Variants in SMIM35 observed in about 807,000 individuals in gnomAD.
SMIM35 encodes small integral membrane protein 35, also known as TMPRSS4 antisense RNA 1 (non-protein coding).
At chr11:118,060,939 C>T (rs1031335342) in intron 1 of SMIM35, among the ~76,000 whole-genome samples, 3 of 152,230 alleles carry the variant, frequency 2.0e-5, no homozygotes, top group Non-Finnish European at 4.4e-5. Flanking sequence ...GAAAGCACTT[C>T]CAGGCTGCCC....
intron 1 of SMIM35, among the ~76,000 whole-genome samples, chr11:118,074,030 G>A (rs1944614580): frequency 6.6e-6 from 1 of 152,184 alleles, no homozygotes; most frequent in South Asian, 2.1e-4. Flanking sequence ...GACCAGCCTG[G>A]GTGAGGAAGG....
intron 1 of SMIM35, among the ~76,000 whole-genome samples, chr11:118,070,062 T>C (rs1944546639): frequency 6.6e-6 from 1 of 152,156 alleles, no homozygotes; most frequent in South Asian, 2.1e-4. Flanking sequence ...AGAGCTAAGA[T>C]TTAAAGCTAT....
chr11:118,073,586 A>C (rs1944608222), intron 1 of SMIM35, among the ~76,000 whole-genome samples: 1 of 152,218 alleles, frequency 6.6e-6, no homozygotes, highest in Non-Finnish European at 1.5e-5. Flanking sequence ...GCTTCAAACA[A>C]GTCTGAGCGT....
intron 1 of SMIM35, chr11:118,077,345 T>C (rs1591318179): frequency 2.5e-6 from 4 of 1,577,976 alleles, no homozygotes; most frequent in Non-Finnish European, 2.6e-6. Context: ...ACAGGAAGGG[T>C]GGGTCTCCCC....
Position 118,048,280 on chromosome 11 carries a change from C to T in SMIM35, c.8-32471G>A, listed in dbSNP as rs568518756. On this transcript the variant is annotated intron_variant, in intron 1 of 4. Transcript: ENST00000689828. ...GCTCACAGTTGTAATCCCGCTGAGG[C>T]GGTCAGATCACCTGAGGTCAGGAGT... is the stretch of plus-strand genomic sequence containing the variant. Among the ~76,000 whole-genome samples the T allele has an allele frequency of 3.0e-3, 458 of 152,238 alleles. 1 individual carries two copies. Among genetic ancestry groups the T allele is most frequent in the African/African-American group, 0.011 (445 of 41,540 alleles).
chr11:118,080,068 C>G (rs1945006057), intron 1 of SMIM35, among the ~76,000 whole-genome samples: 1 of 152,184 alleles, frequency 6.6e-6, no homozygotes, highest in Admixed American at 6.5e-5. Flanking sequence ...ATTGGCCAGC[C>G]TCTAAATGGG....
chr11:118,073,563 A>G (rs1222824641), intron 1 of SMIM35, among the ~76,000 whole-genome samples: 1 of 152,384 alleles, frequency 6.6e-6, no homozygotes, highest in East Asian at 1.9e-4. Flanking sequence ...GAGACAAAAA[A>G]GCTGCCGGTG....
chr11:118,025,230 A>ATGAG (rs904491088), intron 1 of SMIM35: 1 of 297,074 alleles, frequency 3.4e-6, no homozygotes, highest in African/African-American at 2.2e-5. Flanking sequence ...CAATGAACAT[A>ATGAG]TGAGTGCATG....
Position 118,004,213 on chromosome 11 carries a change from G to T in SMIM35, c.*2197C>A, listed in dbSNP as rs977044770. Reference sequence around the variant, plus strand: ...CCCAGAGGCTTTACCTCCAAATACCGTCACATTGGGAGTGACAGCTTCAAC... The same window carrying T: ...CCCAGAGGCTTTACCTCCAAATACCTTCACATTGGGAGTGACAGCTTCAAC... On this transcript the variant is annotated 3_prime_UTR_variant, in exon 5 of 5. Coordinates refer to ENST00000689828, the MANE Select transcript of SMIM35 (RefSeq NM_001394165.1). 6.6e-6 allele frequency: 1 copy of T among 152,158 alleles called. No homozygotes were observed. The highest frequency in any genetic ancestry group is 2.4e-5 in the African/African-American group (1 of 41,406). 9.4% of individuals were successfully genotyped at this position (152,158 alleles called of 1,614,324 possible). A position where few individuals can be genotyped will look rare whatever the true frequency, so the allele number is the denominator to read the frequency against.
intron 1 of SMIM35, among the ~76,000 whole-genome samples, chr11:118,047,080 C>T (rs145065459): frequency 1.3e-5 from 2 of 152,292 alleles, no homozygotes; most frequent in African/African-American, 2.4e-5. Context: ...TTCCCTACCA[C>T]TGAATGAGTT....
At chr11:118,050,332 G>A (rs1168701872) in intron 1 of SMIM35, among the ~76,000 whole-genome samples, 2 of 152,234 alleles carry the variant, frequency 1.3e-5, no homozygotes, top group Non-Finnish European at 2.9e-5. Flanking sequence ...TCCTAGGTCT[G>A]TAAAGACGGG....
At chr11:118,010,829 T>C (rs971127762) in intron 4 of SMIM35, among the ~76,000 whole-genome samples, 9 of 152,166 alleles carry the variant, frequency 5.9e-5, no homozygotes, top group Admixed American at 5.2e-4. Flanking sequence ...CTCTGGGCTC[T>C]TAGGGCCAGT....
At chr11:118,086,663 G>C (rs549463412) in intron 1 of SMIM35, 88 bp downstream of exon 1, 1 of 153,074 alleles carries the variant, frequency 6.5e-6, no homozygotes, top group Admixed American at 6.5e-5. Flanking sequence ...ACTCTGGGCT[G>C]CTGCATCACC....
At chr11:118,008,191 T>G (rs1174666474) in intron 4 of SMIM35, among the ~76,000 whole-genome samples, 1 of 152,224 alleles carries the variant, frequency 6.6e-6, no homozygotes, top group Non-Finnish European at 1.5e-5. Context: ...TTTGCTGGCC[T>G]GCTGCTACTC....
intron 4 of SMIM35, among the ~76,000 whole-genome samples, chr11:118,012,860 C>A (rs568908222): frequency 2.6e-5 from 4 of 152,186 alleles, no homozygotes; most frequent in African/African-American, 9.7e-5. Flanking sequence ...GGCTTTCTGG[C>A]CCCTGGTCAA....
At chr11:118,085,934 G>A (rs1172053828) in intron 1 of SMIM35, among the ~76,000 whole-genome samples, 1 of 152,176 alleles carries the variant, frequency 6.6e-6, no homozygotes, top group Non-Finnish European at 1.5e-5. Flanking sequence ...CAGAAAGGTG[G>A]GAGAGAATGG....
intron 1 of SMIM35, among the ~76,000 whole-genome samples, chr11:118,024,212 C>A (rs11216703): frequency 0.057 from 8,704 of 152,212 alleles, 548 homozygotes; most frequent in East Asian, 0.35. Context: ...CAAGACATTT[C>A]TTTTCCTATG....
At chr11:118,078,646 C>T (rs1944881322) in intron 1 of SMIM35, among the ~76,000 whole-genome samples, 1 of 152,142 alleles carries the variant, frequency 6.6e-6, no homozygotes, top group Non-Finnish European at 1.5e-5. Flanking sequence ...GTGGAGTCTA[C>T]CTAGCTGTGA....
intron 1 of SMIM35, among the ~76,000 whole-genome samples, chr11:118,082,134 G>A (rs375289706): frequency 2.2e-4 from 33 of 152,278 alleles, no homozygotes; most frequent in East Asian, 2.1e-3. Context: ...TAGCTACAGC[G>A]GCAGTATCAC....
Sources: gnomAD v4.1 joint callset for allele counts (sites outside exome capture counted in the v4.1 genomes callset) on GRCh38, gnomAD v4.1.1 for gene constraint, MANE v1.5 for transcripts, NCBI Gene and HGNC (gene_info 2026-07-23, HGNC 2026-07-21) for gene names.